The following PITPNC1 variants were observed in gnomAD, a reference collection of about 807,000 sequenced individuals.
PITPNC1 encodes phosphatidylinositol transfer protein cytoplasmic 1.
PITPNC1 carries 18 observed loss-of-function variants against 44.7 expected under a neutral mutation model. The observed-to-expected ratio is 0.40, with a 90% CI of 0.28 to 0.60. The LOEUF (loss-of-function observed/expected upper bound fraction) is 0.60. Among genes scored for constraint, PITPNC1 ranks in the 20% least tolerant of loss-of-function variants. The probability of loss-of-function intolerance (pLI) is 0.39; values close to 1 mark genes in which losing one functional copy is unlikely to be tolerated. For missense variants in PITPNC1, 290 were observed against 418.4 expected (o/e 0.69, Z 2.68); for synonymous variants, 141 against 149.6 (o/e 0.94, Z 0.42).
intron 2 of PITPNC1, among the ~76,000 whole-genome samples, chr17:67,534,739 C>A (rs1182058437): frequency 6.6e-6 from 1 of 152,130 alleles, no homozygotes; most frequent in Non-Finnish European, 1.5e-5. Context: ...CTTACGTCAG[C>A]CATTTCATGA....
intron 5 of PITPNC1, among the ~76,000 whole-genome samples, chr17:67,619,452 T>C (rs964332313): frequency 3.9e-5 from 6 of 152,154 alleles, no homozygotes; most frequent in African/African-American, 1.4e-4. Flanking sequence ...AGGGGCTCTT[T>C]TCTACTTGTG....
chr17:67,570,446 C>T (rs1195645391), intron 4 of PITPNC1, among the ~76,000 whole-genome samples: 1 of 152,176 alleles, frequency 6.6e-6, no homozygotes, highest in African/African-American at 2.4e-5. Context: ...CATCAGGTGT[C>T]CTGTGGATGC....
chr17:67,496,085 A>T (rs1385828924), intron 1 of PITPNC1, among the ~76,000 whole-genome samples: 1 of 152,202 alleles, frequency 6.6e-6, no homozygotes, highest in Non-Finnish European at 1.5e-5. Flanking sequence ...AATTCTGAGG[A>T]GAAAATGTTG....
chr17:67,516,252 A>G (rs1365071442), intron 1 of PITPNC1, among the ~76,000 whole-genome samples: 2 of 152,202 alleles, frequency 1.3e-5, no homozygotes, highest in African/African-American at 4.8e-5. Context: ...TTTTATCTGC[A>G]TGTCAAACAA....
At chr17:67,538,960 CT>C (rs903205321) in intron 2 of PITPNC1, among the ~76,000 whole-genome samples, 45 of 149,212 alleles carry the variant, frequency 3.0e-4, no homozygotes, top group East Asian at 1.6e-3. Flanking sequence ...CTTATAGATC[CT>C]TTTTTTTTAA....
rs142440040 is a variant in PITPNC1, at chr17:67,689,485, C to T, written c.683-3087C>T. ...CATTTATTTTTCCTTAGTCTTTCTCCTGTATCATAATGAAAAGCAGTGAAA... is the reference window on the plus strand; with the variant it reads ...CATTTATTTTTCCTTAGTCTTTCTCTTGTATCATAATGAAAAGCAGTGAAA... On this transcript the variant is annotated intron_variant, in intron 8 of 8. Transcript: ENST00000581322. Among the ~76,000 whole-genome samples, 558 of 152,258 alleles carry T rather than the reference C, an allele frequency of 3.7e-3. 4 individuals carry two copies. Among genetic ancestry groups the T allele is most frequent in the Non-Finnish European group, 6.4e-3 (433 of 68,016 alleles).
At chr17:67,556,849 A>G (rs950092737) in intron 4 of PITPNC1, among the ~76,000 whole-genome samples, 3 of 152,218 alleles carry the variant, frequency 2.0e-5, no homozygotes, top group African/African-American at 7.2e-5. Context: ...AGATGAATAC[A>G]TAACTGTCAG....
At chr17:67,387,982 A>C (rs191008306) in intron 1 of PITPNC1, among the ~76,000 whole-genome samples, 1 of 152,222 alleles carries the variant, frequency 6.6e-6, no homozygotes, top group Admixed American at 6.5e-5. Flanking sequence ...TGTGGCTGCC[A>C]TACTGGACAG....
chr17:67,656,118 T>C (rs886126042), intron 6 of PITPNC1, among the ~76,000 whole-genome samples: 4 of 152,202 alleles, frequency 2.6e-5, no homozygotes, highest in African/African-American at 9.6e-5. Flanking sequence ...ATCTTGACTG[T>C]ACATTCAGGT....
chr17:67,441,480 T>A (rs1397181222), intron 1 of PITPNC1, among the ~76,000 whole-genome samples: 2 of 152,052 alleles, frequency 1.3e-5, no homozygotes. Flanking sequence ...AGAGGAGAAA[T>A]CACGGAAGCA....
At chr17:67,468,604 C>T (rs1349628988) in intron 1 of PITPNC1, among the ~76,000 whole-genome samples, 3 of 151,120 alleles carry the variant, frequency 2.0e-5, no homozygotes, top group Non-Finnish European at 4.4e-5. Flanking sequence ...GGGGTTTCAC[C>T]GTGTTAGCCA....
chr17:67,401,118 A>G (rs1276849148), intron 1 of PITPNC1, among the ~76,000 whole-genome samples: 2 of 152,138 alleles, frequency 1.3e-5, no homozygotes, highest in Admixed American at 1.3e-4. Context: ...TATTTTTAGT[A>G]GAGACGGGGT....
intron 1 of PITPNC1, among the ~76,000 whole-genome samples, chr17:67,384,183 A>G (rs2038006710): frequency 6.6e-6 from 1 of 152,186 alleles, no homozygotes; most frequent in South Asian, 2.1e-4. Flanking sequence ...AGAAAAATAG[A>G]AACACTCCCC....
At chr17:67,504,349 C>T (rs775028970) in intron 1 of PITPNC1, among the ~76,000 whole-genome samples, 3 of 152,180 alleles carry the variant, frequency 2.0e-5, no homozygotes, top group Non-Finnish European at 4.4e-5. Flanking sequence ...AAAAAAGCTG[C>T]TCTGATCTTT....
intron 1 of PITPNC1, among the ~76,000 whole-genome samples, chr17:67,447,389 A>G (rs2039113728): frequency 6.6e-6 from 1 of 151,978 alleles, no homozygotes; most frequent in Admixed American, 6.6e-5. Context: ...TGCCCCTGGA[A>G]TGCCCCTTAT....
chr17:67,532,707 C>G, intron 1 of PITPNC1, 95 bp from the exon 2 acceptor site: 1 of 956,310 alleles, frequency 1.0e-6, no homozygotes, highest in Admixed American at 2.3e-5. Context: ...GCAGAAGGTG[C>G]TGATGTTATT....
rs988351562 is a variant in PITPNC1 at position 67,632,493 on chromosome 17, G to A, written c.462+255G>A. 13 of 529,460 alleles carry A rather than the reference G, an allele frequency of 2.5e-5. No individual in the cohort carries two copies. In the Admixed American group the frequency reaches 3.4e-4, roughly 14 times the overall value. The allele number at this position is 529,460 out of a possible 1,614,324, so 32.8% of individuals were successfully genotyped here. On this transcript the variant is annotated intron_variant, in intron 6 of 8. Transcript: ENST00000581322. Reference sequence around the variant, plus strand: ...CAACTCTGCCATCATTTTTGGCAACGTCAGTATCCATAGGGCTGGACCATC... The same window carrying A: ...CAACTCTGCCATCATTTTTGGCAACATCAGTATCCATAGGGCTGGACCATC...
intron 4 of PITPNC1, among the ~76,000 whole-genome samples, chr17:67,556,303 T>C (rs1262976105): frequency 6.6e-6 from 1 of 152,124 alleles, no homozygotes; most frequent in Non-Finnish European, 1.5e-5. Context: ...CTCAGTATCA[T>C]GGTGCTGGGG....
chr17:67,617,198 A>G (rs533479869), intron 5 of PITPNC1, among the ~76,000 whole-genome samples: 26 of 152,348 alleles, frequency 1.7e-4, no homozygotes, highest in African/African-American at 6.3e-4. Flanking sequence ...AATGGAAGAA[A>G]GAGGTCCTTT....
Sources: allele counts gnomAD v4.1 joint callset (sites outside exome capture counted in the v4.1 genomes callset), GRCh38; gene constraint gnomAD v4.1.1; transcripts MANE v1.5; gene names NCBI Gene and HGNC (gene_info 2026-07-23, HGNC 2026-07-21).